The following ZC3H14 variants were observed in gnomAD, a reference collection of about 807,000 sequenced individuals.
ZC3H14 encodes the protein zinc finger CCCH domain-containing protein 14.
A neutral mutation model predicts 92.4 loss-of-function variants in ZC3H14; 31 were observed. That is an observed-to-expected ratio of 0.34 (90% CI 0.25 to 0.45). ZC3H14 has a LOEUF of 0.45. Ranked by LOEUF, ZC3H14 falls within the 20% of genes least tolerant of loss-of-function variation. ZC3H14 has a pLI of 1.00. For synonymous variants in ZC3H14, 321 were observed against 300.9 expected, an observed-to-expected ratio of 1.07 and a Z score of -0.69; for missense variants, 781 against 897.3, an observed-to-expected ratio of 0.87 and a Z score of 1.66.
At position 88,627,531 on chromosome 14, in the gene ZC3H14, G is replaced by T. The variant is rs2090095199; in HGVS notation, c.*15780G>T. The T allele has an allele frequency of 7.0e-6, 7 of 1,003,244 alleles. No homozygotes were observed. The highest frequency in any genetic ancestry group is 1.0e-5 in the Non-Finnish European group (7 of 698,564). 62.1% of individuals were successfully genotyped at this position (1,003,244 alleles called of 1,614,324 possible). On this transcript the variant is annotated 3_prime_UTR_variant, in exon 17 of 17. Transcript: ENST00000251038. ...CCACTGTGTACAGTATATTGCATAG[G>T]CCTCCACTGAATGATTGTTTCAACC...
rs368423826 is a variant in ZC3H14, at chr14:88,624,993, G to A, written c.*13242G>A. On this transcript the variant is annotated 3_prime_UTR_variant, in exon 17 of 17. Coordinates refer to ENST00000251038, the MANE Select transcript of ZC3H14 (RefSeq NM_024824.5). Reference sequence around the variant, plus strand: ...ACGGCCTTTCCTTTCCCCCAGTCACGATAAGTCCATCTCGCAGGGTGGTGT... The same window carrying A: ...ACGGCCTTTCCTTTCCCCCAGTCACAATAAGTCCATCTCGCAGGGTGGTGT... 2.5e-5 allele frequency: 41 copies of A among 1,613,568 alleles called. No individual in the cohort carries two copies. The highest frequency in any genetic ancestry group is 6.7e-5 in the East Asian group (3 of 44,860).
At position 88,618,314 on chromosome 14, in the gene ZC3H14, A is replaced by G. The variant is rs1233531682; in HGVS notation, c.*6563A>G. The G allele has an allele frequency of 1.9e-6, 3 of 1,613,622 alleles. No individual in the cohort carries two copies. The highest frequency in any genetic ancestry group is 1.7e-5 in the Admixed American group (1 of 60,010). ...AAGGCACTTCATAGACATGCCGTTT[A>G]TAGCAGCCACTAGAGACCTTTTTCA... is the stretch of plus-strand genomic sequence containing the variant. On this transcript the variant is annotated 3_prime_UTR_variant, in exon 17 of 17. Coordinates refer to ENST00000251038, the MANE Select transcript of ZC3H14 (RefSeq NM_024824.5).
chr14:88,596,673 A>G (rs2083863360), intron 9 of ZC3H14, 61 bp from the exon 10 acceptor site: 10 of 1,431,420 alleles, frequency 7.0e-6, no homozygotes, highest in Non-Finnish European at 8.9e-6. Flanking sequence ...GATTTTTGGG[A>G]ACCACATGCT....
chr14:88,618,083 A>G lies in ZC3H14; in HGVS notation c.*6332A>G. ...ATATTCAATAAAAAGGGGTCCCAAC[A>G]TGAACATACCATTTCAAAATATGGT... On this transcript the variant is annotated 3_prime_UTR_variant, in exon 17 of 17. Coordinates refer to ENST00000251038, the MANE Select transcript of ZC3H14 (RefSeq NM_024824.5). 1.9e-6 allele frequency: 1 copy of G among 532,484 alleles called. No homozygotes were observed. Among genetic ancestry groups the G allele is most frequent in the Non-Finnish European group, 3.2e-6 (1 of 308,370 alleles). 33.0% of individuals were successfully genotyped at this position (532,484 alleles called of 1,614,324 possible).
At position 88,611,638 on chromosome 14, in the gene ZC3H14, G is replaced by T; in HGVS notation, c.2205-107G>T. On this transcript the variant is annotated intron_variant, in intron 16 of 16. Transcript: ENST00000251038. ...TCTGCCATTTATATTGTAATCTTAT[G>T]ACCAAATATTTATTGCTTAAAACTA... 4 of 1,326,258 alleles carry T rather than the reference G, an allele frequency of 3.0e-6. No individual in the cohort carries two copies. The South Asian group carries it at 3.9e-5, about 13-fold the overall frequency. The allele number at this position is 1,326,258 out of a possible 1,614,324, so 82.2% of individuals were successfully genotyped here.
intron 11 of ZC3H14, 100 bp downstream of exon 11, chr14:88,602,183 C>T (rs1410216924): frequency 9.9e-6 from 15 of 1,521,190 alleles, no homozygotes; most frequent in African/African-American, 1.4e-5. Flanking sequence ...TAACCGCTAG[C>T]GTAGAGTGCT....
In ZC3H14 at chr14:88,624,871, G is replaced by C. The variant is rs1205696929; in HGVS notation, c.*13120G>C. On this transcript the variant is annotated 3_prime_UTR_variant, in exon 17 of 17. Coordinates refer to ENST00000251038, the MANE Select transcript of ZC3H14 (RefSeq NM_024824.5). ...AGCATATGAGGAGGAAGGTCGGAGA[G>C]GACACTCTGTGTAGCCTAGAAACAA... The C allele has an allele frequency of 2.2e-6, 3 of 1,350,228 alleles. No homozygotes were observed. The highest frequency in any genetic ancestry group is 3.0e-6 in the Non-Finnish European group (3 of 993,186). The allele number at this position is 1,350,228 out of a possible 1,614,324, so 83.6% of individuals were successfully genotyped here.
At chr14:88,567,341 T>G (rs1670943616) in intron 2 of ZC3H14, among the ~76,000 whole-genome samples, 1 of 151,522 alleles carries the variant, frequency 6.6e-6, no homozygotes, top group South Asian at 2.1e-4. Flanking sequence ...GGTCTCAATC[T>G]CCTAACCTTG....
At chr14:88,574,577 C>T (rs1332613355) in intron 6 of ZC3H14, 116 bp from the exon 7 acceptor site, 3 of 1,293,768 alleles carry the variant, frequency 2.3e-6, no homozygotes, top group Non-Finnish European at 1.1e-6. Context: ...CCAAGAAATA[C>T]TCTGTGAATT....
chr14:88,607,086 T>G (rs941100813), intron 12 of ZC3H14, among the ~76,000 whole-genome samples, 157 bp from the exon 13 acceptor site: 8 of 152,310 alleles, frequency 5.3e-5, no homozygotes, highest in African/African-American at 1.9e-4. Flanking sequence ...TAGGATTCTA[T>G]GGCCAGTGTT....
At chr14:88,587,284 TCCTTAGTAGCTTGGGACTACAGGCACAC>T (rs1354094062) in intron 9 of ZC3H14, among the ~76,000 whole-genome samples, 1 of 151,916 alleles carries the variant, frequency 6.6e-6, no homozygotes. Context: ...TGCCTCAGCC[TCCTTAGTAGCTTGGGACTACAGGCACAC>T]CCTGCCACAC....
Position 88,575,386 on chromosome 14 carries a change from A to G in ZC3H14, c.1023-454A>G, listed in dbSNP as rs186365906. On this transcript the variant is annotated intron_variant, in intron 7 of 16. Transcript: ENST00000251038. ...AGGAACAACATCAATTAAGATTCAG[A>G]TTTATTATTTAAAAAAACTAAAAGG... is the stretch of plus-strand genomic sequence containing the variant. 2.3e-3 allele frequency among the ~76,000 whole-genome samples: 350 copies of G among 151,998 alleles called. 2 individuals are homozygous for G. Among genetic ancestry groups the G allele is most frequent in the South Asian group, 6.5e-3 (31 of 4,802 alleles).
intron 5 of ZC3H14, 131 bp from the exon 6 acceptor site, chr14:88,572,447 G>C (rs1283218870): frequency 3.2e-6 from 4 of 1,254,264 alleles, no homozygotes; most frequent in East Asian, 2.5e-5. Flanking sequence ...TTTCAAAGCA[G>C]TTTTGAATGG....
intron 3 of ZC3H14, among the ~76,000 whole-genome samples, chr14:88,569,917 C>T (rs149130195): frequency 6.6e-6 from 1 of 152,270 alleles, no homozygotes; most frequent in African/African-American, 2.4e-5. Flanking sequence ...CCATTTGTTA[C>T]AATTTGTCCC....
rs1207867716 is a variant in ZC3H14, at chr14:88,614,041, G to A, written c.*2290G>A. On this transcript the variant is annotated 3_prime_UTR_variant, in exon 17 of 17. Transcript: ENST00000251038. ...TGCAGTGGAAACAGTTTTATTCTATGTAGTTTACATGCTTAAGGTTACAGA... is the reference window on the plus strand; with the variant it reads ...TGCAGTGGAAACAGTTTTATTCTATATAGTTTACATGCTTAAGGTTACAGA... 1 of 152,164 alleles carries A rather than the reference G, an allele frequency of 6.6e-6. No individual in the cohort carries two copies. Among genetic ancestry groups the A allele is most frequent in the Non-Finnish European group, 1.5e-5 (1 of 68,024 alleles). 9.4% of individuals were successfully genotyped at this position (152,164 alleles called of 1,614,324 possible). A position where few individuals can be genotyped will look rare whatever the true frequency, so the allele number is the denominator to read the frequency against.
In ZC3H14 at chr14:88,567,944, A is replaced by T. The variant is rs552741893; in HGVS notation, c.80-95A>T. 9.5e-5 allele frequency: 97 copies of T among 1,024,740 alleles called. 1 individual carries two copies. The highest frequency in any genetic ancestry group is 1.4e-4 in the Non-Finnish European group (93 of 668,206). 63.5% of individuals were successfully genotyped at this position (1,024,740 alleles called of 1,614,324 possible). A position where few individuals can be genotyped will look rare whatever the true frequency, so the allele number is the denominator to read the frequency against. ...AATTCCAGTAGAGCTCTGCGACTCT[A>T]AAGCTTAGAGCTACATCTATATTTT... On this transcript the variant is annotated intron_variant, in intron 2 of 16. Coordinates refer to ENST00000251038, the MANE Select transcript of ZC3H14 (RefSeq NM_024824.5).
intron 8 of ZC3H14, among the ~76,000 whole-genome samples, 158 bp from the exon 9 acceptor site, chr14:88,577,827 C>T (rs562198576): frequency 6.6e-6 from 1 of 152,256 alleles, no homozygotes; most frequent in Admixed American, 6.5e-5. Context: ...ACCTTGCCTC[C>T]CAAAGTGCTG....
chr14:88,579,245 C>G (rs2139712148), intron 9 of ZC3H14, among the ~76,000 whole-genome samples: 1 of 152,144 alleles, frequency 6.6e-6, no homozygotes, highest in South Asian at 2.1e-4. Flanking sequence ...CTCATTGTGT[C>G]TCTTTAAAAA....
chr14:88,608,209 T>C, intron 13 of ZC3H14: 2 of 418,006 alleles, frequency 4.8e-6, no homozygotes, highest in Non-Finnish European at 9.1e-6. Context: ...ATCCCCCATC[T>C]TACCCTGCAA....
Sources: gnomAD v4.1 joint callset for allele counts (sites outside exome capture counted in the v4.1 genomes callset) on GRCh38, gnomAD v4.1.1 for gene constraint, MANE v1.5 for transcripts, NCBI Gene and HGNC (gene_info 2026-07-23, HGNC 2026-07-21) for gene names.